The following PTPRT variants were observed in gnomAD, a reference collection of about 807,000 sequenced individuals.
The protein encoded by PTPRT is protein tyrosine phosphatase receptor type T, also known as receptor-type tyrosine-protein phosphatase T.
PTPRT carries 56 observed loss-of-function variants against 176.8 expected under a neutral mutation model. That is an observed-to-expected ratio of 0.32 (90% CI 0.26 to 0.40). The LOEUF is 0.40. PTPRT is among the 10% of genes least tolerant of loss of function. The pLI is 1.00. For synonymous variants in PTPRT, 783 were observed against 739.0 expected (o/e 1.06, Z -0.96); for missense variants, 1,540 against 1,908.2 (o/e 0.81, Z 3.60).
intron 9 of PTPRT, among the ~76,000 whole-genome samples, chr20:42,392,718 A>G (rs1220551964): frequency 6.6e-6 from 1 of 152,204 alleles, no homozygotes. Context: ...TATCATCCAT[A>G]TGCAAGAAAC....
intron 7 of PTPRT, among the ~76,000 whole-genome samples, chr20:42,550,167 G>A (rs1047391244): frequency 1.3e-5 from 2 of 152,134 alleles, no homozygotes; most frequent in Non-Finnish European, 2.9e-5. Context: ...ATCCTGATAG[G>A]TTGCCAATCA....
chr20:42,948,350 G>A (rs1981019851), intron 1 of PTPRT, among the ~76,000 whole-genome samples: 1 of 152,158 alleles, frequency 6.6e-6, no homozygotes, highest in Admixed American at 6.5e-5. Flanking sequence ...TTCATCCTCT[G>A]GAGAACTACC....
chr20:42,440,660 G>A (rs895570244), intron 9 of PTPRT, among the ~76,000 whole-genome samples: 2 of 151,912 alleles, frequency 1.3e-5, no homozygotes, highest in African/African-American at 4.8e-5. Context: ...TGTACTTTTA[G>A]TAGAGACGGG....
intron 2 of PTPRT, among the ~76,000 whole-genome samples, chr20:42,819,752 T>TAAAA: frequency 6.8e-6 from 1 of 146,372 alleles, no homozygotes; most frequent in Non-Finnish European, 1.5e-5. Context: ...TAAAAAAAAA[T>TAAAA]AAAAAAGCAG....
At chr20:43,158,337 C>T (rs1411344478) in intron 1 of PTPRT, among the ~76,000 whole-genome samples, 2 of 152,110 alleles carry the variant, frequency 1.3e-5, no homozygotes, top group Non-Finnish European at 2.9e-5. Flanking sequence ...CAATTCTGGA[C>T]AAGTTCCATG....
Position 42,075,019 on chromosome 20 carries a change from CCT to C in PTPRT, c.*5858_*5859del, listed in dbSNP as rs1982635328. 1 of 386,370 alleles carries C rather than the reference CCT, an allele frequency of 2.6e-6. No individual in the cohort carries two copies. The highest frequency in any genetic ancestry group is 4.5e-6 in the Non-Finnish European group (1 of 223,042). The allele number at this position is 386,370 out of a possible 1,614,324, so 23.9% of individuals were successfully genotyped here. On this transcript the variant is annotated 3_prime_UTR_variant, in exon 31 of 31. Coordinates refer to ENST00000373187, the MANE Select transcript of PTPRT (RefSeq NM_007050.6). ...AGCTCCCCCCACACTCCACCACTAA[CCT>C]CTCTCCCTGCTGTTCAGTCTATGAC...
At chr20:42,300,805 TA>T (rs1467402548) in intron 12 of PTPRT, among the ~76,000 whole-genome samples, 6 of 149,876 alleles carry the variant, frequency 4.0e-5, no homozygotes, top group Non-Finnish European at 8.9e-5. Flanking sequence ...CTTTAAGTTT[TA>T]GGGTACATGG....
chr20:42,957,146 A>T (rs1418827546), intron 1 of PTPRT, among the ~76,000 whole-genome samples: 1 of 152,184 alleles, frequency 6.6e-6, no homozygotes, highest in Non-Finnish European at 1.5e-5. Flanking sequence ...AGCATGCCGG[A>T]ACTCCCCAGC....
At chr20:42,814,672 A>G (rs994179454) in intron 2 of PTPRT, among the ~76,000 whole-genome samples, 1 of 152,224 alleles carries the variant, frequency 6.6e-6, no homozygotes, top group Non-Finnish European at 1.5e-5. Flanking sequence ...GCCATGTTTC[A>G]TCAGGAGGTG....
intron 13 of PTPRT, among the ~76,000 whole-genome samples, chr20:42,273,331 T>C (rs1231152753): frequency 6.6e-6 from 1 of 152,212 alleles, no homozygotes; most frequent in Non-Finnish European, 1.5e-5. Flanking sequence ...TTCTCCTGCC[T>C]CAACCTCCTG....
At chr20:42,389,181 C>G (rs1031031209) in intron 9 of PTPRT, among the ~76,000 whole-genome samples, 4 of 151,564 alleles carry the variant, frequency 2.6e-5, no homozygotes, top group African/African-American at 9.7e-5. Flanking sequence ...ATGTAAATGA[C>G]GAGTTAATGG....
chr20:42,386,077 C>A (rs1156806), intron 9 of PTPRT, among the ~76,000 whole-genome samples: 10,346 of 152,136 alleles, frequency 0.068, 441 homozygotes, highest in African/African-American at 0.12. Flanking sequence ...TAAACAAAAA[C>A]ACTGTTATTT....
chr20:42,534,167 G>T (rs2072434075), intron 7 of PTPRT, among the ~76,000 whole-genome samples: 1 of 152,196 alleles, frequency 6.6e-6, no homozygotes, highest in Admixed American at 6.5e-5. Flanking sequence ...AATCAGACAG[G>T]CTGTGTTCAC....
At chr20:42,037,661 G>A in the PTPRT span, among the ~76,000 whole-genome samples, 1 of 152,200 alleles carries the variant, frequency 6.6e-6, no homozygotes, top group African/African-American at 2.4e-5. Context: ...CCTCAGAGGA[G>A]TTTCTCAGGA....
In PTPRT at chr20:42,368,892, G is replaced by T. The variant is rs554892660; in HGVS notation, c.1561-16607C>A. ...TGGGTTCACTGTTAGCCTCAGAGGG[G>T]GTTATACAGTGTCTCAACCATACTG... On this transcript the variant is annotated intron_variant, in intron 9 of 30. Coordinates refer to ENST00000373187, the MANE Select transcript of PTPRT (RefSeq NM_007050.6). Among the ~76,000 whole-genome samples the T allele has an allele frequency of 2.0e-5, 3 of 152,260 alleles. No homozygotes were observed. In the East Asian group the frequency reaches 5.8e-4, roughly 29 times the overall value.
At chr20:42,475,204 A>G (rs982343877) in intron 7 of PTPRT, among the ~76,000 whole-genome samples, 3 of 152,180 alleles carry the variant, frequency 2.0e-5, no homozygotes, top group Non-Finnish European at 4.4e-5. Flanking sequence ...CCCACCCCAC[A>G]TTACAGATGA....
At chr20:42,731,081 G>T (rs2076453539) in intron 6 of PTPRT, among the ~76,000 whole-genome samples, 1 of 152,138 alleles carries the variant, frequency 6.6e-6, no homozygotes, top group Admixed American at 6.6e-5. Context: ...CTTGAGAGAA[G>T]ACCTACAGAA....
chr20:42,632,628 T>G (rs1260964862), intron 7 of PTPRT, among the ~76,000 whole-genome samples: 1 of 150,404 alleles, frequency 6.6e-6, no homozygotes, highest in African/African-American at 2.4e-5. Context: ...TATTACTAAT[T>G]TTATATATTA....
chr20:42,378,996 C>G (rs1485871049), intron 9 of PTPRT, among the ~76,000 whole-genome samples: 1 of 152,208 alleles, frequency 6.6e-6, no homozygotes, highest in African/African-American at 2.4e-5. Flanking sequence ...CCAAGGCAAC[C>G]ATTCCCCACT....
Sources: allele counts gnomAD v4.1 joint callset (sites outside exome capture counted in the v4.1 genomes callset), GRCh38; gene constraint gnomAD v4.1.1; transcripts MANE v1.5; gene names NCBI Gene and HGNC (gene_info 2026-07-23, HGNC 2026-07-21).